Variants in SYNDIG1 observed in about 807,000 individuals in gnomAD.
SYNDIG1 encodes the protein synapse differentiation-inducing gene protein 1.
A neutral mutation model predicts 19.4 loss-of-function variants in SYNDIG1; 9 were observed. The ratio of observed to expected loss-of-function variants is 0.46; its 90% CI spans 0.28 to 0.81. The LOEUF (loss-of-function observed/expected upper bound fraction) is 0.81. Among genes scored for constraint, SYNDIG1 ranks in the 30% least tolerant of loss-of-function variants. The probability of loss-of-function intolerance (pLI) is 0.12; values close to 1 mark genes in which losing one functional copy is unlikely to be tolerated. For synonymous variants in SYNDIG1, 141 were observed against 145.9 expected (o/e 0.97, Z 0.24); for missense variants, 311 against 343.3 (o/e 0.91, Z 0.74).
rs375003338 is a variant in SYNDIG1 at position 24,654,871 on chromosome 20, C to A, written c.619-10475C>A. ...AATTGGAAGTGAGAAGAGTATGGGGCAAGGCTTTCAGAAGTCCAAGGAAAA... is the reference window on the plus strand; with the variant it reads ...AATTGGAAGTGAGAAGAGTATGGGGAAAGGCTTTCAGAAGTCCAAGGAAAA... On this transcript the variant is annotated intron_variant, in intron 3 of 3. Transcript: ENST00000376862. 6.2e-4 allele frequency among the ~76,000 whole-genome samples: 94 copies of A among 152,230 alleles called. No individual in the cohort carries two copies. In the East Asian group the frequency reaches 0.015, roughly 25 times the overall value.
chr20:24,528,317 TGG>T (rs150627516), intron 1 of SYNDIG1, among the ~76,000 whole-genome samples: 3,684 of 152,344 alleles, frequency 0.024, 125 homozygotes, highest in African/African-American at 0.084. Context: ...ACATTCACTG[TGG>T]GCCAGATTTG....
At chr20:24,497,837 T>C (rs1036730003) in intron 1 of SYNDIG1, among the ~76,000 whole-genome samples, 2 of 152,238 alleles carry the variant, frequency 1.3e-5, no homozygotes. Flanking sequence ...TCATGCACTA[T>C]TCTGGTTTTA....
At chr20:24,535,579 CTG>C (rs2057344344) in intron 1 of SYNDIG1, among the ~76,000 whole-genome samples, 1 of 151,968 alleles carries the variant, frequency 6.6e-6, no homozygotes, top group Non-Finnish European at 1.5e-5. Context: ...CCATAGTAAA[CTG>C]TGTGCACATT....
intron 2 of SYNDIG1, among the ~76,000 whole-genome samples, chr20:24,553,408 T>A (rs2057747451): frequency 6.6e-6 from 1 of 152,262 alleles, no homozygotes; most frequent in Admixed American, 6.5e-5. Context: ...TGAATGGTAA[T>A]GCCTAGGTTT....
chr20:24,646,537 G>C (rs1048236907), intron 3 of SYNDIG1, among the ~76,000 whole-genome samples: 1 of 152,040 alleles, frequency 6.6e-6, no homozygotes, highest in Non-Finnish European at 1.5e-5. Context: ...CATGATCTCT[G>C]TGCATGCATA....
chr20:24,546,741 C>T (rs1018939770), intron 2 of SYNDIG1, among the ~76,000 whole-genome samples: 5 of 151,878 alleles, frequency 3.3e-5, no homozygotes, highest in African/African-American at 1.2e-4. Context: ...AATTGGGTGC[C>T]AGTACTGCAA....
At chr20:24,634,335 G>A (rs1264018514) in intron 3 of SYNDIG1, among the ~76,000 whole-genome samples, 3 of 152,196 alleles carry the variant, frequency 2.0e-5, no homozygotes, top group African/African-American at 7.2e-5. Context: ...TTACAGTAAT[G>A]TTTTCCCTAA....
chr20:24,511,161 AG>A (rs2056734452), intron 1 of SYNDIG1, among the ~76,000 whole-genome samples: 2 of 152,192 alleles, frequency 1.3e-5, no homozygotes, highest in East Asian at 3.9e-4. Context: ...ACTGAGGCTC[AG>A]GGCAGGCCAT....
At chr20:24,473,322 G>C (rs1334364021) in intron 1 of SYNDIG1, among the ~76,000 whole-genome samples, 1 of 152,162 alleles carries the variant, frequency 6.6e-6, no homozygotes, top group Non-Finnish European at 1.5e-5. Flanking sequence ...TACACTAGGG[G>C]CATGGTGTCA....
At chr20:24,629,931 C>A (rs2059215171) in intron 3 of SYNDIG1, among the ~76,000 whole-genome samples, 1 of 152,134 alleles carries the variant, frequency 6.6e-6, no homozygotes, top group Admixed American at 6.5e-5. Context: ...TGCCAAGTGG[C>A]CTTTCTGCTG....
chr20:24,487,038 G>A (rs539351844), intron 1 of SYNDIG1, among the ~76,000 whole-genome samples: 1 of 152,052 alleles, frequency 6.6e-6, no homozygotes, highest in African/African-American at 2.4e-5. Context: ...GGGGAATCAC[G>A]GGCCAAGGTT....
At chr20:24,477,053 T>G (rs748666033) in intron 1 of SYNDIG1, among the ~76,000 whole-genome samples, 1 of 152,260 alleles carries the variant, frequency 6.6e-6, no homozygotes, top group Non-Finnish European at 1.5e-5. Flanking sequence ...ATGTATCTGT[T>G]GACTCAATAT....
intron 1 of SYNDIG1, among the ~76,000 whole-genome samples, chr20:24,530,238 C>T (rs1018731045): frequency 2.0e-5 from 3 of 152,134 alleles, no homozygotes; most frequent in Non-Finnish European, 4.4e-5. Context: ...CTATATATGT[C>T]TGACTGCTTA....
rs563317151 is a variant in SYNDIG1, at chr20:24,470,781, G to C, written c.-79+1028G>C. ...CTGGTAGTCCTGTTTTCCTTTGGGG[G>C]TTTCGTTGCACGCAGAGGCTTGGGC... On this transcript the variant is annotated intron_variant, in intron 1 of 3. Transcript: ENST00000376862. 3.3e-5 allele frequency among the ~76,000 whole-genome samples: 5 copies of C among 152,270 alleles called. No individual in the cohort carries two copies. In the East Asian group the frequency reaches 9.7e-4, roughly 30 times the overall value.
chr20:24,549,072 C>G (rs886649072), intron 2 of SYNDIG1, among the ~76,000 whole-genome samples: 1 of 152,044 alleles, frequency 6.6e-6, no homozygotes, highest in African/African-American at 2.4e-5. Flanking sequence ...GTGTTGGGAG[C>G]ATTCAATAAC....
At chr20:24,593,533 T>C (rs2058547819) in intron 3 of SYNDIG1, among the ~76,000 whole-genome samples, 1 of 152,228 alleles carries the variant, frequency 6.6e-6, no homozygotes, top group Admixed American at 6.5e-5. Context: ...GAATGATTTA[T>C]ATTCCTTTGG....
chr20:24,505,065 C>T (rs183684595), intron 1 of SYNDIG1, among the ~76,000 whole-genome samples: 18 of 152,172 alleles, frequency 1.2e-4, no homozygotes, highest in African/African-American at 3.1e-4. Flanking sequence ...CCAGGTGAGC[C>T]GCGGCAGGGC....
intron 3 of SYNDIG1, among the ~76,000 whole-genome samples, chr20:24,623,383 T>C (rs1226788899): frequency 6.6e-6 from 1 of 152,156 alleles, no homozygotes; most frequent in Non-Finnish European, 1.5e-5. Context: ...AGGTCTGAAG[T>C]CTATAAGAAA....
intron 3 of SYNDIG1, among the ~76,000 whole-genome samples, chr20:24,630,620 G>T (rs560832230): frequency 6.6e-6 from 1 of 152,350 alleles, no homozygotes; most frequent in South Asian, 2.1e-4. Flanking sequence ...GAGCCCCTCT[G>T]TGTCAAAGGC....
Sources: allele counts gnomAD v4.1 joint callset (sites outside exome capture counted in the v4.1 genomes callset), GRCh38; gene constraint gnomAD v4.1.1; transcripts MANE v1.5; gene names NCBI Gene and HGNC (gene_info 2026-07-23, HGNC 2026-07-21).